Variants in DMC1 observed in about 807,000 individuals in gnomAD.
The protein encoded by DMC1 is meiotic recombination protein DMC1 homolog.
In DMC1, 27 loss-of-function variants were observed where a neutral mutation model predicts 50.1. The ratio of observed to expected loss-of-function variants is 0.54; its 90% CI spans 0.40 to 0.74. The LOEUF (loss-of-function observed/expected upper bound fraction) is 0.74, where lower values mean the gene tolerates loss of function less well. Among genes scored for constraint, DMC1 ranks in the 30% least tolerant of loss-of-function variants. The pLI is 0.00. For missense variants in DMC1, 295 were observed against 420.2 expected, an observed-to-expected ratio of 0.70 and a Z score of 2.60; for synonymous variants, 148 against 136.1, an observed-to-expected ratio of 1.09 and a Z score of -0.61.
At chr22:38,548,136 T>C (rs1216809890) in intron 8 of DMC1, among the ~76,000 whole-genome samples, 1 of 152,162 alleles carries the variant, frequency 6.6e-6, no homozygotes, top group East Asian at 1.9e-4. Context: ...AAAGTTATGT[T>C]CTCAATTCTC....
downstream of DMC1, among the ~76,000 whole-genome samples, chr22:38,517,963 T>C (rs1024341670): frequency 6.6e-6 from 1 of 152,154 alleles, no homozygotes; most frequent in African/African-American, 2.4e-5. Flanking sequence ...CCTCCCATTT[T>C]TGGAATTTTA....
intron 13 of DMC1, among the ~76,000 whole-genome samples, chr22:38,520,465 C>T (rs2090012589): frequency 6.6e-6 from 1 of 152,022 alleles, no homozygotes. Context: ...TCAAGCCATT[C>T]TCCTGCCTCA....
chr22:38,563,665 C>A (rs2090551968), intron 4 of DMC1, among the ~76,000 whole-genome samples: 1 of 151,672 alleles, frequency 6.6e-6, no homozygotes, highest in Non-Finnish European at 1.5e-5. Context: ...ACCAGCCTGG[C>A]CAATATAGTA....
intron 5 of DMC1, among the ~76,000 whole-genome samples, chr22:38,561,168 C>T (rs2090523755): frequency 6.6e-6 from 1 of 151,728 alleles, no homozygotes; most frequent in Non-Finnish European, 1.5e-5. Context: ...CCATCACACC[C>T]AGCTAATTAA....
In DMC1 at chr22:38,519,779, TACACACACAAAC is replaced by T. The variant is rs2090003458; in HGVS notation, c.*229_*240del. 2.1e-6 allele frequency: 1 copy of T among 466,138 alleles called. No homozygotes were observed. The highest frequency in any genetic ancestry group is 2.0e-5 in the African/African-American group (1 of 50,132). The allele number at this position is 466,138 out of a possible 1,614,324, so 28.9% of individuals were successfully genotyped here. On this transcript the variant is annotated 3_prime_UTR_variant, in exon 14 of 14. Coordinates refer to ENST00000216024, the MANE Select transcript of DMC1 (RefSeq NM_007068.4). ...ATATATCTACTATATATGTCAGGTA[TACACACACAAAC>T]ACACACACACACAAACATACATATA...
rs562427107 is a variant in DMC1 at position 38,549,882 on chromosome 22, T to C, written c.494+43A>G. 271 of 1,413,186 alleles carry C rather than the reference T, an allele frequency of 1.9e-4. 1 individual carries two copies. The South Asian group carries it at 2.9e-3, about 15-fold the overall frequency. 87.5% of individuals were successfully genotyped at this position (1,413,186 alleles called of 1,614,324 possible). On this transcript the variant is annotated intron_variant, in intron 8 of 13. Transcript: ENST00000216024. ...ACAAACTCTTCAGTGGTAACATTCCTATATCACACTATTATGTTAGCAACT... is the reference window on the plus strand; with the variant it reads ...ACAAACTCTTCAGTGGTAACATTCCCATATCACACTATTATGTTAGCAACT...
chr22:38,530,844 C>T (rs776748570), intron 12 of DMC1, among the ~76,000 whole-genome samples: 2 of 151,868 alleles, frequency 1.3e-5, no homozygotes, highest in African/African-American at 2.4e-5. Flanking sequence ...CTGAGGTGGG[C>T]GGATCGCCCG....
chr22:38,520,562 TG>T (rs2090013746), intron 13 of DMC1, among the ~76,000 whole-genome samples: 1 of 152,080 alleles, frequency 6.6e-6, no homozygotes, highest in Admixed American at 6.6e-5. Context: ...TTCACCATGT[TG>T]GCCAGGCTGG....
At chr22:38,537,682 T>C (rs1247017333) in intron 11 of DMC1, 30 bp from the exon 12 acceptor site, 9 of 1,550,018 alleles carry the variant, frequency 5.8e-6, no homozygotes, top group African/African-American at 5.4e-5. Flanking sequence ...TTTAAAACTA[T>C]GAGAAAGGCA....
intron 4 of DMC1, among the ~76,000 whole-genome samples, chr22:38,563,741 C>T (rs2090552942): frequency 6.6e-6 from 1 of 151,736 alleles, no homozygotes. Flanking sequence ...GCTCTGTCGC[C>T]CAGGCTGGAG....
At position 38,519,840 on chromosome 22, in the gene DMC1, T is replaced by C. The variant is rs142811667; in HGVS notation, c.*180A>G. ...TACATATCCCTGAATTTACATACAA[T>C]GTATAGTTATCATAAATCAGGGACT... On this transcript the variant is annotated 3_prime_UTR_variant, in exon 14 of 14. Transcript: ENST00000216024. 5.2e-4 allele frequency: 304 copies of C among 583,620 alleles called. 2 individuals carry two copies. In the East Asian group the frequency reaches 9.9e-3, roughly 19 times the overall value. The allele number at this position is 583,620 out of a possible 1,614,324, so 36.2% of individuals were successfully genotyped here. A position where few individuals can be genotyped will look rare whatever the true frequency, so the allele number is the denominator to read the frequency against.
intron 5 of DMC1, 117 bp from the exon 6 acceptor site, chr22:38,555,526 A>G (rs915580612): frequency 1.3e-5 from 9 of 677,470 alleles, no homozygotes; most frequent in African/African-American, 7.2e-5. Flanking sequence ...CTATTCTATC[A>G]TCTACCTATC....
chr22:38,566,438 A>T, intron 4 of DMC1, 152 bp downstream of exon 4: 1 of 811,798 alleles, frequency 1.2e-6, no homozygotes. Flanking sequence ...TTGCTTTGAA[A>T]CTGAAGTGAT....
At chr22:38,535,117 G>A (rs1261155019) in intron 12 of DMC1, among the ~76,000 whole-genome samples, 1 of 151,718 alleles carries the variant, frequency 6.6e-6, no homozygotes, top group Admixed American at 6.6e-5. Flanking sequence ...GGCTAACACG[G>A]TGAAACCCCG....
chr22:38,547,000 T>A (rs1390360337), intron 8 of DMC1, among the ~76,000 whole-genome samples: 2 of 152,148 alleles, frequency 1.3e-5, no homozygotes, highest in Non-Finnish European at 2.9e-5. Context: ...CAAGAAACCA[T>A]AATGAACAAA....
At chr22:38,537,510 C>A in intron 12 of DMC1, 82 bp downstream of exon 12, 1 of 1,350,656 alleles carries the variant, frequency 7.4e-7, no homozygotes, top group Non-Finnish European at 1.1e-6. Flanking sequence ...CCGTGCCCGG[C>A]CTTGAAATTA....
At chr22:38,567,513 A>C in intron 3 of DMC1, 70 bp downstream of exon 3, 1 of 1,300,480 alleles carries the variant, frequency 7.7e-7, no homozygotes. Context: ...TCCAGGCCCA[A>C]ATGTCCATAA....
intron 7 of DMC1, among the ~76,000 whole-genome samples, chr22:38,551,685 A>G (rs954651753): frequency 4.6e-5 from 7 of 152,032 alleles, no homozygotes; most frequent in Non-Finnish European, 1.0e-4. Context: ...TATACCAGGT[A>G]CATACATTAT....
intron 12 of DMC1, among the ~76,000 whole-genome samples, chr22:38,529,350 A>G (rs74385688): frequency 0.034 from 5,205 of 152,208 alleles, 109 homozygotes; most frequent in Middle Eastern, 0.054. Context: ...AGCTTCAGAA[A>G]ACCACCCACA....
Sources: allele counts gnomAD v4.1 joint callset (sites outside exome capture counted in the v4.1 genomes callset), GRCh38; gene constraint gnomAD v4.1.1; transcripts MANE v1.5; gene names NCBI Gene and HGNC (gene_info 2026-07-23, HGNC 2026-07-21).